Variants in TOB2 observed in about 807,000 individuals in gnomAD.
TOB2 encodes the protein protein Tob2.
Under a neutral mutation model 17.3 loss-of-function variants are expected in TOB2, and 3 were observed. That is an observed-to-expected ratio of 0.17 (90% CI 0.08 to 0.45). The LOEUF is 0.45. Ranked by LOEUF, TOB2 falls within the 20% of genes least tolerant of loss-of-function variation. The pLI, the probability that TOB2 is intolerant of heterozygous loss-of-function variation, is 0.99. For synonymous variants in TOB2, 163 were observed against 185.6 expected (o/e 0.88, Z 0.99); for missense variants, 407 against 445.7 (o/e 0.91, Z 0.78).
intron 1 of TOB2, among the ~76,000 whole-genome samples, chr22:41,445,471 A>C (rs1373404723): frequency 3.9e-5 from 6 of 152,180 alleles, no homozygotes; most frequent in Admixed American, 1.3e-4. Context: ...ACGGTGGGTA[A>C]GAAGGAGAAA....
chr22:41,443,827 T>A (rs1348312641), intron 1 of TOB2, among the ~76,000 whole-genome samples: 1 of 151,318 alleles, frequency 6.6e-6, no homozygotes, highest in East Asian at 2.0e-4. Flanking sequence ...TTCTCCAAGT[T>A]GGTCAGGCTA....
chr22:41,437,466 A>G, intron 1 of TOB2, 59 bp from the exon 2 acceptor site: 2 of 1,487,010 alleles, frequency 1.3e-6, no homozygotes, highest in Non-Finnish European at 1.8e-6. Flanking sequence ...ACCAACAGCT[A>G]GGGATAGACA....
At chr22:41,437,513 C>T (rs1278229820) in intron 1 of TOB2, 106 bp from the exon 2 acceptor site, 2 of 1,349,626 alleles carry the variant, frequency 1.5e-6, no homozygotes, top group Non-Finnish European at 2.0e-6. Context: ...GAACCAGGAG[C>T]CTATTTCTGC....
chr22:41,436,312 C>A lies in TOB2; in HGVS notation c.1034G>T (p.Ter345LeuextTer41). ...QQFQPVVLAN[*>L] ...CTGGCCCCACGGGCAGGTAGATGGT[C>A]AGTTGGCCAGCACCACGGGCTGGAA... Residue 345 changes from the stop codon to leucine, a stop_lost, in exon 2 of 2, where the codon TGA (stop) becomes TTA (leucine). Coordinates refer to ENST00000327492, the MANE Select transcript of TOB2 (RefSeq NM_016272.4). This position sits in a 1 kb window ranked among gnomAD's most constrained non-coding sequence, Gnocchi z 4.8. 1.9e-6 allele frequency: 3 copies of A among 1,557,514 alleles called. No individual in the cohort carries two copies. Among genetic ancestry groups the A allele is most frequent in the South Asian group, 1.2e-5 (1 of 83,098 alleles).
intron 1 of TOB2, among the ~76,000 whole-genome samples, chr22:41,445,246 C>T (rs774598804): frequency 6.6e-6 from 1 of 152,212 alleles, no homozygotes; most frequent in African/African-American, 2.4e-5. Flanking sequence ...TACTAAAATT[C>T]TGTGTGTCTC....
chr22:41,441,905 C>CA (rs775654327), intron 1 of TOB2, among the ~76,000 whole-genome samples: 2,367 of 112,636 alleles, frequency 0.021, 51 homozygotes, highest in African/African-American at 0.063. Flanking sequence ...TGATTTTTCT[C>CA]AAAAAAAAAA....
rs569875654 is a variant in TOB2, at chr22:41,433,924, T to G, written c.*2387A>C. ...TATTTCTCCTCTTTTTTTTTTAAAG[T>G]TTGTTTTTCCTGAAAAAATATGTTT... On this transcript the variant is annotated 3_prime_UTR_variant, in exon 2 of 2. Transcript: ENST00000327492. The G allele has an allele frequency of 8.3e-6, 2 of 241,216 alleles. No homozygotes were observed. Among genetic ancestry groups the G allele is most frequent in the Admixed American group, 9.8e-5 (2 of 20,500 alleles). The allele number at this position is 241,216 out of a possible 1,614,324, so 14.9% of individuals were successfully genotyped here.
chr22:41,440,538 G>C (rs2037605115), intron 1 of TOB2, among the ~76,000 whole-genome samples: 1 of 150,442 alleles, frequency 6.6e-6, no homozygotes, highest in South Asian at 2.1e-4. Context: ...CCTCCAAGTA[G>C]CTGGGACTAC....
At position 41,434,965 on chromosome 22, in the gene TOB2, G is replaced by C. The variant is rs1395865863; in HGVS notation, c.*1346C>G. The C allele has an allele frequency of 2.6e-5, 4 of 153,224 alleles. No homozygotes were observed. Among genetic ancestry groups the C allele is most frequent in the African/African-American group, 9.7e-5 (4 of 41,430 alleles). 9.5% of individuals were successfully genotyped at this position (153,224 alleles called of 1,614,324 possible). On this transcript the variant is annotated 3_prime_UTR_variant, in exon 2 of 2. Transcript: ENST00000327492. ...AGAGGTACCAAGAAGCTCTCAACCA[G>C]GCAGGGGCACAAATGCACTCAACAC...
In TOB2 at chr22:41,437,898, C is replaced by T. The variant is rs939499853; in HGVS notation, c.-62-491G>A. On this transcript the variant is annotated intron_variant, in intron 1 of 1. Transcript: ENST00000327492. Reference sequence around the variant, plus strand: ...CCAGGAGGCAGAGGTTGCAGTGAGCCGAGATCATGCCACTGTACTCCAGCC... The same window carrying T: ...CCAGGAGGCAGAGGTTGCAGTGAGCTGAGATCATGCCACTGTACTCCAGCC... Among the ~76,000 whole-genome samples the T allele has an allele frequency of 1.5e-4, 21 of 139,722 alleles. 1 individual carries two copies. Among genetic ancestry groups the T allele is most frequent in the Middle Eastern group, 4.1e-3 (1 of 246 alleles). 91.7% of individuals were successfully genotyped at this position (139,722 alleles called of 152,430 possible). A position where few individuals can be genotyped will look rare whatever the true frequency, so the allele number is the denominator to read the frequency against.
chr22:41,441,915 AAAAAG>A (rs1028458007), intron 1 of TOB2, among the ~76,000 whole-genome samples: 36 of 151,738 alleles, frequency 2.4e-4, no homozygotes, highest in African/African-American at 7.5e-4. Flanking sequence ...CAAAAAAAAA[AAAAAG>A]AAAAGAAAAA....
At chr22:41,441,314 CAA>C (rs57013095) in intron 1 of TOB2, among the ~76,000 whole-genome samples, 6 of 140,962 alleles carry the variant, frequency 4.3e-5, no homozygotes, top group Admixed American at 1.4e-4. Flanking sequence ...GACTCTACCT[CAA>C]AAAAAAAAAA....
chr22:41,438,026 C>T (rs1000699237), intron 1 of TOB2, among the ~76,000 whole-genome samples: 1 of 151,222 alleles, frequency 6.6e-6, no homozygotes, highest in African/African-American at 2.4e-5. Context: ...GTGTTTTCCA[C>T]CATCTTGAGA....
chr22:41,443,922 G>A (rs1432057873), intron 1 of TOB2, among the ~76,000 whole-genome samples: 1 of 152,156 alleles, frequency 6.6e-6, no homozygotes, highest in South Asian at 2.1e-4. Context: ...CACCGCACCC[G>A]GCCGGAAGGT....
chr22:41,438,232 GCCA>G (rs2037575325), intron 1 of TOB2, among the ~76,000 whole-genome samples: 1 of 152,144 alleles, frequency 6.6e-6, no homozygotes, highest in Admixed American at 6.6e-5. Context: ...AAAGAGCACT[GCCA>G]ATTCTTCACT....
In TOB2 at chr22:41,433,941, AAT is replaced by A. The variant is rs1380338847; in HGVS notation, c.*2368_*2369del. 2 of 244,782 alleles carry A rather than the reference AAT, an allele frequency of 8.2e-6. No homozygotes were observed. The highest frequency in any genetic ancestry group is 1.7e-5 in the Non-Finnish European group (2 of 117,956). 15.2% of individuals were successfully genotyped at this position (244,782 alleles called of 1,614,324 possible). ...TTTTAAAGTTTGTTTTTCCTGAAAA[AAT>A]ATGTTTCTCTCATCTTTTTAAGAAA... On this transcript the variant is annotated 3_prime_UTR_variant, in exon 2 of 2. Coordinates refer to ENST00000327492, the MANE Select transcript of TOB2 (RefSeq NM_016272.4).
chr22:41,437,436 T>C, intron 1 of TOB2, 29 bp from the exon 2 acceptor site: 2 of 1,515,722 alleles, frequency 1.3e-6, no homozygotes, highest in Non-Finnish European at 1.8e-6. Context: ...CGTGAGAAAA[T>C]ATGCAGAAAG....
In TOB2 at chr22:41,436,119, G is replaced by T. The variant is rs958097469; in HGVS notation, c.*192C>A. Reference sequence around the variant, plus strand: ...TCACAGGCCGGTGGGCGAGCGGTAAGGGGTGAGTGAAACACACTTGGGTGC... The same window carrying T: ...TCACAGGCCGGTGGGCGAGCGGTAATGGGTGAGTGAAACACACTTGGGTGC... On this transcript the variant is annotated 3_prime_UTR_variant, in exon 2 of 2. Coordinates refer to ENST00000327492, the MANE Select transcript of TOB2 (RefSeq NM_016272.4). This position sits in a 1 kb window ranked among gnomAD's most constrained non-coding sequence, Gnocchi z 4.8. 1 of 581,710 alleles carries T rather than the reference G, an allele frequency of 1.7e-6. No individual in the cohort carries two copies. The highest frequency in any genetic ancestry group is 2.7e-6 in the Non-Finnish European group (1 of 367,376). The allele number at this position is 581,710 out of a possible 1,614,324, so 36.0% of individuals were successfully genotyped here. A position where few individuals can be genotyped will look rare whatever the true frequency, so the allele number is the denominator to read the frequency against.
Position 41,436,246 on chromosome 22 carries a change from T to A in TOB2, c.*65A>T. The A allele has an allele frequency of 2.0e-6, 3 of 1,484,382 alleles. No homozygotes were observed. In the South Asian group the frequency reaches 4.3e-5, roughly 21 times the overall value. The allele number at this position is 1,484,382 out of a possible 1,614,324, so 92.0% of individuals were successfully genotyped here. On this transcript the variant is annotated 3_prime_UTR_variant, in exon 2 of 2. Transcript: ENST00000327492. The surrounding 1 kb of genome is among the most constrained non-coding windows in gnomAD (Gnocchi z 4.8). The stretch of plus-strand genomic sequence containing the variant: ...TTGTACATTTTTCTTTTCCTCTTTT[T>A]TTTGGCCTTTCCTTTCTCTTTTCTG...
Sources: allele counts gnomAD v4.1 joint callset (sites outside exome capture counted in the v4.1 genomes callset), GRCh38; gene constraint gnomAD v4.1.1; non-coding constraint Gnocchi (gnomAD v3.1); transcripts MANE v1.5; gene names NCBI Gene and HGNC (gene_info 2026-07-23, HGNC 2026-07-21).